Variants in PRUNE2 observed in about 807,000 individuals in gnomAD.
The protein encoded by PRUNE2 is prune homolog 2 with BCH domain, also known as protein prune homolog 2.
In PRUNE2, 164 loss-of-function variants were observed where a neutral mutation model predicts 252.0. The ratio of observed to expected loss-of-function variants is 0.65; its 90% CI spans 0.57 to 0.74. The LOEUF (loss-of-function observed/expected upper bound fraction) is 0.74. Among genes scored for constraint, PRUNE2 ranks in the 30% least tolerant of loss-of-function variants. The pLI, the probability that PRUNE2 is intolerant of heterozygous loss-of-function variation, is 0.00. For missense variants in PRUNE2, 3,495 were observed against 3,711.0 expected, an observed-to-expected ratio of 0.94 and a Z score of 1.51; for synonymous variants, 1,292 against 1,350.2, an observed-to-expected ratio of 0.96 and a Z score of 0.94.
At chr9:76,856,328 A>C (rs1379131410) in intron 1 of PRUNE2, 1 of 152,170 alleles carries the variant, frequency 6.6e-6, no homozygotes, top group Non-Finnish European at 1.5e-5. Context: ...ATACAGCAAG[A>C]CTTCAGACAT....
intron 6 of PRUNE2, among the ~76,000 whole-genome samples, chr9:76,741,785 C>T (rs567831809): frequency 6.6e-6 from 1 of 152,306 alleles, no homozygotes. Flanking sequence ...TTCCCGCAAG[C>T]TTATTTGCCT....
chr9:76,836,981 A>G (rs890510706), intron 4 of PRUNE2, among the ~76,000 whole-genome samples: 4 of 152,262 alleles, frequency 2.6e-5, no homozygotes, highest in Non-Finnish European at 4.4e-5. Flanking sequence ...ATATACCATA[A>G]TGCAAACATT....
At chr9:76,645,019 T>C in intron 11 of PRUNE2, 110 bp from the exon 12 acceptor site, 1 of 986,782 alleles carries the variant, frequency 1.0e-6, no homozygotes, top group Non-Finnish European at 1.5e-6. Flanking sequence ...GCAGCCTTTG[T>C]TTTGTTTCAT....
intron 6 of PRUNE2, among the ~76,000 whole-genome samples, chr9:76,792,300 C>T (rs1440023343): frequency 6.6e-6 from 1 of 152,158 alleles, no homozygotes; most frequent in Non-Finnish European, 1.5e-5. Context: ...TGTGACTATG[C>T]TCCTCCTTCA....
chr9:76,693,353 AT>A (rs1309571662), intron 9 of PRUNE2, among the ~76,000 whole-genome samples: 2 of 151,886 alleles, frequency 1.3e-5, no homozygotes, highest in African/African-American at 4.8e-5. Context: ...GTAATCTCCA[AT>A]TGACCTAACT....
rs959275647 is a variant in PRUNE2 at position 76,613,114 on chromosome 9, G to A, written c.*1456C>T. On this transcript the variant is annotated 3_prime_UTR_variant, in exon 19 of 19. Transcript: ENST00000376718. Reference sequence around the variant, plus strand: ...TGATTTTGTGGCTAGGACTCCTCATGTTTTTCAGCAAGCCATTTCTTTTAT... The same window carrying A: ...TGATTTTGTGGCTAGGACTCCTCATATTTTTCAGCAAGCCATTTCTTTTAT... 35 of 152,144 alleles carry A rather than the reference G, an allele frequency of 2.3e-4. No homozygotes were observed. Among genetic ancestry groups the A allele is most frequent in the African/African-American group, 7.7e-4 (32 of 41,440 alleles). The allele number at this position is 152,144 out of a possible 1,614,324, so 9.4% of individuals were successfully genotyped here. A position where few individuals can be genotyped will look rare whatever the true frequency, so the allele number is the denominator to read the frequency against.
chr9:76,638,664 A>G (rs1169454332), intron 12 of PRUNE2, among the ~76,000 whole-genome samples: 4 of 152,218 alleles, frequency 2.6e-5, no homozygotes, highest in Non-Finnish European at 5.9e-5. Flanking sequence ...CTAATACATA[A>G]GTACTTATAC....
chr9:76,677,446 C>T (rs1293140435), intron 9 of PRUNE2, among the ~76,000 whole-genome samples: 1 of 152,158 alleles, frequency 6.6e-6, no homozygotes, highest in East Asian at 1.9e-4. Flanking sequence ...TCCTGTTTCA[C>T]AGGTGAGGAA....
intron 6 of PRUNE2, among the ~76,000 whole-genome samples, chr9:76,771,146 G>C (rs1051198063): frequency 6.6e-6 from 1 of 152,080 alleles, no homozygotes; most frequent in African/African-American, 2.4e-5. Flanking sequence ...TATGATCATA[G>C]AAACTAGACA....
intron 6 of PRUNE2, among the ~76,000 whole-genome samples, chr9:76,793,470 T>A (rs2055754175): frequency 6.6e-6 from 1 of 152,170 alleles, no homozygotes; most frequent in South Asian, 2.1e-4. Flanking sequence ...ATTATGGCTA[T>A]CTAGGGGCCA....
intron 4 of PRUNE2, among the ~76,000 whole-genome samples, chr9:76,836,729 C>CTTTTTTTTTTTTTTTTTTTTTTT: frequency 6.6e-6 from 1 of 152,172 alleles, no homozygotes; most frequent in Non-Finnish European, 1.5e-5. Flanking sequence ...CAAATTATTT[C>CTTTTTTTTTTTTTTTTTTTTTTT]TATTTTGTTA....
chr9:76,708,923 T>G lies in PRUNE2; in HGVS notation c.3351A>C (p.Arg1117Ser), dbSNP rs1020793078. Residue 1117 changes from arginine to serine, a missense_variant, in exon 8 of 19, where the codon AGA (arginine) becomes AGC (serine). By Grantham distance (110) the Arg-to-Ser change is moderately radical. Coordinates refer to ENST00000376718, the MANE Select transcript of PRUNE2 (RefSeq NM_015225.3). ...TAPDSLDLWN[R>S]VILEDTQSTA... ...TGGACTGAGTATCCTCCAAAATCAC[T>G]CTGTTCCACAAGTCGAGACTGTCAG... The G allele has an allele frequency of 1.9e-6, 3 of 1,613,808 alleles. No individual in the cohort carries two copies. The highest frequency in any genetic ancestry group is 2.7e-5 in the African/African-American group (2 of 74,900).
At chr9:76,875,077 C>T (rs1209028137) in intron 1 of PRUNE2, among the ~76,000 whole-genome samples, 1 of 152,120 alleles carries the variant, frequency 6.6e-6, no homozygotes, top group Non-Finnish European at 1.5e-5. Context: ...ACAGACAGCA[C>T]CTGTATTCCA....
intron 1 of PRUNE2, among the ~76,000 whole-genome samples, chr9:76,895,047 T>A (rs2062736767): frequency 6.6e-6 from 1 of 151,692 alleles, no homozygotes; most frequent in Admixed American, 6.6e-5. Flanking sequence ...AAAGGGACCT[T>A]AATGAATGGG....
At chr9:76,824,378 A>G (rs1281524511) in intron 5 of PRUNE2, among the ~76,000 whole-genome samples, 1 of 152,212 alleles carries the variant, frequency 6.6e-6, no homozygotes, top group Non-Finnish European at 1.5e-5. Context: ...TTCAGGCTGC[A>G]TTTAGGTAAG....
intron 4 of PRUNE2, among the ~76,000 whole-genome samples, chr9:76,826,955 G>A (rs1241011291): frequency 6.6e-6 from 1 of 151,992 alleles, no homozygotes; most frequent in East Asian, 1.9e-4. Context: ...CAACTTAACT[G>A]ACCCTAGCAT....
At chr9:76,700,092 C>A (rs1002585240) in intron 9 of PRUNE2, 2 of 152,114 alleles carry the variant, frequency 1.3e-5, no homozygotes, top group Non-Finnish European at 2.9e-5. Context: ...ATCTTTCAGC[C>A]CTAGTAACAA....
intron 1 of PRUNE2, among the ~76,000 whole-genome samples, chr9:76,880,322 AG>A (rs966351008): frequency 1.3e-5 from 2 of 152,178 alleles, no homozygotes; most frequent in African/African-American, 4.8e-5. Context: ...CTCAGACCGC[AG>A]GGGGGTCCCT....
intron 4 of PRUNE2, among the ~76,000 whole-genome samples, chr9:76,830,857 A>G (rs2058629962): frequency 6.6e-6 from 1 of 152,248 alleles, no homozygotes; most frequent in East Asian, 1.9e-4. Flanking sequence ...AAGTCTAAAG[A>G]CAATGGAATT....
Sources: gnomAD v4.1 joint callset for allele counts (sites outside exome capture counted in the v4.1 genomes callset) on GRCh38, gnomAD v4.1.1 for gene constraint, MANE v1.5 for transcripts, NCBI Gene and HGNC (gene_info 2026-07-23, HGNC 2026-07-21) for gene names.